The following VGLL4 variants were observed in gnomAD, a reference collection of about 807,000 sequenced individuals.
VGLL4 encodes the protein transcription cofactor vestigial-like protein 4.
A neutral mutation model predicts 21.0 loss-of-function variants in VGLL4; 7 were observed. The ratio of observed to expected loss-of-function variants is 0.33; its 90% confidence interval spans 0.19 to 0.63. The LOEUF (loss-of-function observed/expected upper bound fraction) is 0.63, where lower values mean the gene tolerates loss of function less well. VGLL4 is among the 20% of genes least tolerant of loss of function. VGLL4 has a pLI of 0.78. For synonymous variants in VGLL4, 222 were observed against 173.2 expected, an observed-to-expected ratio of 1.28 and a Z score of -2.21; for missense variants, 394 against 425.7, an observed-to-expected ratio of 0.93 and a Z score of 0.66.
chr3:11,652,202 A>G (rs1299569117), intron 2 of VGLL4, among the ~76,000 whole-genome samples: 2 of 152,212 alleles, frequency 1.3e-5, no homozygotes, highest in African/African-American at 4.8e-5. Flanking sequence ...CCTGATGTGC[A>G]TTATATTTCA....
At chr3:11,569,443 A>C (rs2073684409) in intron 2 of VGLL4, among the ~76,000 whole-genome samples, 1 of 152,096 alleles carries the variant, frequency 6.6e-6, no homozygotes, top group Non-Finnish European at 1.5e-5. Context: ...CCTCCCAAAA[A>C]CCAACATCCT....
At chr3:11,600,375 A>AG (rs1446538619) in intron 2 of VGLL4, among the ~76,000 whole-genome samples, 1 of 151,966 alleles carries the variant, frequency 6.6e-6, no homozygotes, top group Admixed American at 6.6e-5. Context: ...AAAAAGAAAA[A>AG]AAAAAAAAGA....
In VGLL4 at chr3:11,556,596, G is replaced by A. The variant is rs533275707; in HGVS notation, c.*1960C>T. ...CCTGCACTTTTACAGACAAATCTAC[G>A]ACAAAAAAAAAGATCAACTTTTTTT... On this transcript the variant is annotated 3_prime_UTR_variant, in exon 5 of 5. Coordinates refer to ENST00000430365, the MANE Select transcript of VGLL4 (RefSeq NM_001128219.3). 16 of 149,696 alleles carry A rather than the reference G, an allele frequency of 1.1e-4. No individual in the cohort carries two copies. Among genetic ancestry groups the A allele is most frequent in the East Asian group, 7.7e-4 (4 of 5,220 alleles). The allele number at this position is 149,696 out of a possible 1,614,324, so 9.3% of individuals were successfully genotyped here. A position where few individuals can be genotyped will look rare whatever the true frequency, so the allele number is the denominator to read the frequency against.
At chr3:11,590,788 G>A (rs2074476501) in intron 2 of VGLL4, among the ~76,000 whole-genome samples, 1 of 152,048 alleles carries the variant, frequency 6.6e-6, no homozygotes, top group African/African-American at 2.4e-5. Context: ...GATACAGAAT[G>A]TGGAGCTTGT....
At chr3:11,560,846 C>T (rs116655610) in intron 3 of VGLL4, among the ~76,000 whole-genome samples, 2,861 of 152,264 alleles carry the variant, frequency 0.019, 56 homozygotes, top group African/African-American at 0.05. Context: ...TGGAGCTGGG[C>T]TGAATGTCCA....
At chr3:11,641,772 G>GC (rs951639703) in intron 1 of VGLL4, among the ~76,000 whole-genome samples, 24 of 152,082 alleles carry the variant, frequency 1.6e-4, no homozygotes, top group African/African-American at 5.6e-4. Context: ...GAAGAGCAGA[G>GC]CAGAGCACTC....
At chr3:11,661,553 C>A (rs1228120688) in intron 2 of VGLL4, among the ~76,000 whole-genome samples, 1 of 151,880 alleles carries the variant, frequency 6.6e-6, no homozygotes, top group Non-Finnish European at 1.5e-5. Flanking sequence ...TCACTGCAAC[C>A]TTTGCCTCCT....
intron 2 of VGLL4, among the ~76,000 whole-genome samples, chr3:11,575,203 C>CA (rs1271584720): frequency 2.0e-5 from 3 of 152,200 alleles, no homozygotes; most frequent in African/African-American, 7.2e-5. Context: ...GTTTCAAAAG[C>CA]AGCTCAGGTC....
chr3:11,585,349 C>T (rs1179679385), intron 2 of VGLL4, among the ~76,000 whole-genome samples: 1 of 151,542 alleles, frequency 6.6e-6, no homozygotes, highest in Non-Finnish European at 1.5e-5. Flanking sequence ...GGCAGAACTG[C>T]TTGAACCTAG....
intron 3 of VGLL4, 120 bp from the exon 4 acceptor site, chr3:11,559,575 C>T (rs758385531): frequency 2.2e-5 from 30 of 1,364,544 alleles, no homozygotes; most frequent in Admixed American, 9.8e-5. Flanking sequence ...CAGTCTGCCA[C>T]CTCCCACTTC....
At chr3:11,671,233 A>G in intron 2 of VGLL4, 14 of 1,558,914 alleles carry the variant, frequency 9.0e-6, no homozygotes, top group Non-Finnish European at 1.2e-5. Context: ...TCAATTAAGA[A>G]AATGTGAAAA....
intron 2 of VGLL4, among the ~76,000 whole-genome samples, chr3:11,680,791 T>C (rs1365144822): frequency 6.6e-6 from 1 of 152,202 alleles, no homozygotes; most frequent in South Asian, 2.1e-4. Context: ...CGACTTGCTG[T>C]GAGACCACAG....
Position 11,653,315 on chromosome 3 carries a change from G to A in VGLL4, c.64+49656C>T, listed in dbSNP as rs942111426. Among the ~76,000 whole-genome samples the A allele has an allele frequency of 3.9e-5, 6 of 152,046 alleles. No homozygotes were observed. The highest frequency in any genetic ancestry group is 1.5e-4 in the African/African-American group (6 of 41,370). On this transcript the variant is annotated intron_variant, in intron 2 of 5. Transcript: ENST00000273038. The surrounding 1 kb of genome is among the most constrained non-coding windows in gnomAD (Gnocchi z 4.2). ...CTTCTTCCAGTAACTACCCCCATAG[G>A]GTAACTTACTATCCTAACCTTTAAG...
At chr3:11,668,996 C>A (rs1473661664) in intron 2 of VGLL4, among the ~76,000 whole-genome samples, 1 of 152,230 alleles carries the variant, frequency 6.6e-6, no homozygotes, top group Non-Finnish European at 1.5e-5. Flanking sequence ...GGCTTCTGCT[C>A]GTCCTCTAAC....
At chr3:11,716,302 CAA>C (rs554449676) in intron 1 of VGLL4, among the ~76,000 whole-genome samples, 34 of 60,978 alleles carry the variant, frequency 5.6e-4, no homozygotes, top group Middle Eastern at 9.8e-3. Context: ...AACTCTGTCT[CAA>C]AAAAAAAAAA....
At chr3:11,570,435 G>A (rs1018904279) in intron 2 of VGLL4, among the ~76,000 whole-genome samples, 32 of 152,204 alleles carry the variant, frequency 2.1e-4, no homozygotes, top group African/African-American at 7.2e-4. Flanking sequence ...AGCTTCTGAA[G>A]CACAGCTCCC....
intron 1 of VGLL4, among the ~76,000 whole-genome samples, chr3:11,642,095 T>C (rs2075702334): frequency 1.3e-5 from 2 of 151,792 alleles, no homozygotes; most frequent in African/African-American, 2.4e-5. Flanking sequence ...AGCCCAGCAA[T>C]GGCTGCTTAC....
intron 1 of VGLL4, among the ~76,000 whole-genome samples, chr3:11,712,639 A>C (rs1037933443): frequency 2.0e-5 from 3 of 152,196 alleles, no homozygotes; most frequent in Non-Finnish European, 4.4e-5. Flanking sequence ...CTAGAATTCA[A>C]GTCTCTCAAT....
At chr3:11,657,914 A>G (rs113013530) in intron 2 of VGLL4, among the ~76,000 whole-genome samples, 2 of 152,126 alleles carry the variant, frequency 1.3e-5, no homozygotes, top group African/African-American at 4.8e-5. Context: ...TTTTCTCAGT[A>G]AAACAAGTTT....
Sources: gnomAD v4.1 joint callset for allele counts (sites outside exome capture counted in the v4.1 genomes callset) on GRCh38, gnomAD v4.1.1 for gene constraint, Gnocchi (gnomAD v3.1) non-coding constraint, MANE v1.5 for transcripts, NCBI Gene and HGNC (gene_info 2026-07-23, HGNC 2026-07-21) for gene names.